MICU2: variants seen among roughly 807,000 people sequenced by gnomAD.
MICU2 encodes mitochondrial calcium uptake 2, also known as calcium uptake protein 2, mitochondrial.
Under a neutral mutation model 60.4 loss-of-function variants are expected in MICU2, and 64 were observed. That is an observed-to-expected ratio of 1.06 (90% confidence interval 0.87 to 1.31). The LOEUF is 1.31. Among genes scored for constraint, MICU2 ranks in the 50% most tolerant of loss-of-function variants. MICU2 has a pLI of 0.00. For synonymous variants in MICU2, 201 were observed against 175.0 expected (o/e 1.15, Z -1.17); for missense variants, 569 against 531.0 (o/e 1.07, Z -0.70).
At chr13:21,507,814 G>C (rs953670001) in intron 8 of MICU2, among the ~76,000 whole-genome samples, 2 of 151,950 alleles carry the variant, frequency 1.3e-5, no homozygotes, top group African/African-American at 4.8e-5. Context: ...ACGTTGGCCA[G>C]GCTGGTCTAA....
chr13:21,538,068 T>C (rs1358426968), intron 4 of MICU2, among the ~76,000 whole-genome samples: 2 of 152,060 alleles, frequency 1.3e-5, no homozygotes, highest in Non-Finnish European at 2.9e-5. Flanking sequence ...TAAACCAATA[T>C]TCTCTTGGCC....
chr13:21,503,427 A>G (rs1466619687), intron 8 of MICU2, among the ~76,000 whole-genome samples: 1 of 152,234 alleles, frequency 6.6e-6, no homozygotes, highest in Non-Finnish European at 1.5e-5. Context: ...TAACAATTCC[A>G]TGGAAACTAT....
At chr13:21,587,832 TATAAG>T (rs1888492024) in intron 1 of MICU2, among the ~76,000 whole-genome samples, 1 of 152,194 alleles carries the variant, frequency 6.6e-6, no homozygotes, top group Admixed American at 6.5e-5. Flanking sequence ...GAATGGTAGT[TATAAG>T]ATACTAAAAA....
At chr13:21,512,340 A>G (rs563895671) in intron 7 of MICU2, among the ~76,000 whole-genome samples, 1 of 152,236 alleles carries the variant, frequency 6.6e-6, no homozygotes, top group Admixed American at 6.5e-5. Flanking sequence ...CTTTATATAT[A>G]CTGATAGACC....
chr13:21,578,198 TC>T (rs1243563583), intron 1 of MICU2, among the ~76,000 whole-genome samples: 1 of 152,236 alleles, frequency 6.6e-6, no homozygotes, highest in Non-Finnish European at 1.5e-5. Context: ...TCTTTTTTAT[TC>T]TGTATCCCCA....
At chr13:21,533,474 C>A (rs1018381853) in intron 4 of MICU2, among the ~76,000 whole-genome samples, 1 of 151,920 alleles carries the variant, frequency 6.6e-6, no homozygotes, top group African/African-American at 2.4e-5. Context: ...CAGGTGCCGG[C>A]CACTGCGCCC....
chr13:21,590,729 T>C (rs1967778), intron 1 of MICU2, among the ~76,000 whole-genome samples: 82,776 of 152,054 alleles, frequency 0.54, 24,237 homozygotes, highest in East Asian at 1. Flanking sequence ...GTGGCATTTG[T>C]CCGTAGTCCC....
intron 1 of MICU2, among the ~76,000 whole-genome samples, chr13:21,567,951 A>G (rs1888022718): frequency 6.6e-6 from 1 of 152,246 alleles, no homozygotes; most frequent in Non-Finnish European, 1.5e-5. Flanking sequence ...AAGATGACAC[A>G]GTAGTTAAAA....
intron 8 of MICU2, among the ~76,000 whole-genome samples, chr13:21,507,021 G>T (rs888707321): frequency 2.6e-5 from 4 of 152,102 alleles, no homozygotes; most frequent in Non-Finnish European, 5.9e-5. Context: ...TTATGACTTA[G>T]CAAAATTTAA....
At chr13:21,497,910 A>G (rs980685138) in intron 9 of MICU2, among the ~76,000 whole-genome samples, 1 of 152,020 alleles carries the variant, frequency 6.6e-6, no homozygotes, top group African/African-American at 2.4e-5. Context: ...CACCACACCC[A>G]ACTAATGTTT....
At chr13:21,585,178 C>T (rs1443542660) in intron 1 of MICU2, among the ~76,000 whole-genome samples, 2 of 152,298 alleles carry the variant, frequency 1.3e-5, no homozygotes, top group Middle Eastern at 3.4e-3. Context: ...ATAACTTTGT[C>T]ATCTCTCTTT....
intron 4 of MICU2, among the ~76,000 whole-genome samples, chr13:21,532,253 A>G (rs774903091): frequency 7.2e-5 from 11 of 152,240 alleles, no homozygotes; most frequent in Non-Finnish European, 1.5e-4. Flanking sequence ...CAAAACTTCC[A>G]TTAACCCATT....
chr13:21,593,846 T>G (rs960169905), intron 1 of MICU2, among the ~76,000 whole-genome samples: 2 of 152,174 alleles, frequency 1.3e-5, no homozygotes, highest in African/African-American at 4.8e-5. Flanking sequence ...AAACAGAAAC[T>G]GGACGCCTTC....
intron 1 of MICU2, among the ~76,000 whole-genome samples, chr13:21,585,942 T>G (rs1797384161): frequency 6.6e-6 from 1 of 152,174 alleles, no homozygotes; most frequent in Admixed American, 6.5e-5. Flanking sequence ...ATTTTTAAAT[T>G]TAATGCCCAA....
In MICU2 at chr13:21,557,237, T is replaced by A. The variant is rs76621051; in HGVS notation, c.358+9560A>T. Among the ~76,000 whole-genome samples, 1,165 of 152,222 alleles carry A rather than the reference T, an allele frequency of 7.7e-3. 20 individuals are homozygous for A. The highest frequency in any genetic ancestry group is 0.027 in the African/African-American group (1,106 of 41,522). ...TTTGAGATTTTAAAACTGGAGCAAT[T>A]CCAGGTAATGGACGTGGGAAGTGAA... is the stretch of plus-strand genomic sequence containing the variant. On this transcript the variant is annotated intron_variant, in intron 2 of 11. Coordinates refer to ENST00000382374, the MANE Select transcript of MICU2 (RefSeq NM_152726.3).
chr13:21,539,519 T>TCTTG, intron 3 of MICU2, 138 bp downstream of exon 3: 1 of 1,302,554 alleles, frequency 7.7e-7, no homozygotes, highest in South Asian at 1.3e-5. Flanking sequence ...GCCAGGATGG[T>TCTTG]GATCTCCTGA....
chr13:21,520,504 C>T (rs553560509), intron 6 of MICU2, among the ~76,000 whole-genome samples: 48 of 152,260 alleles, frequency 3.2e-4, no homozygotes, highest in African/African-American at 1.1e-3. Flanking sequence ...TACATAAGTA[C>T]TCATTAATTC....
chr13:21,543,741 C>A (rs1399289466), intron 2 of MICU2, among the ~76,000 whole-genome samples: 1 of 152,064 alleles, frequency 6.6e-6, no homozygotes, highest in East Asian at 1.9e-4. Context: ...ACCACACTAT[C>A]CAAAGTGATC....
intron 3 of MICU2, 25 bp downstream of exon 3, chr13:21,539,632 C>G: frequency 6.2e-7 from 1 of 1,614,044 alleles, no homozygotes; most frequent in Non-Finnish European, 8.5e-7. Context: ...AAAACAAACC[C>G]TGCCCCCCAC....
Sources: allele counts gnomAD v4.1 joint callset (sites outside exome capture counted in the v4.1 genomes callset), GRCh38; gene constraint gnomAD v4.1.1; transcripts MANE v1.5; gene names NCBI Gene and HGNC (gene_info 2026-07-23, HGNC 2026-07-21).